Variants in HLF observed in about 807,000 individuals in gnomAD.
HLF encodes HLF transcription factor, PAR bZIP family member.
Under a neutral mutation model 22.6 loss-of-function variants are expected in HLF, and 3 were observed. That is an observed-to-expected ratio of 0.13 (90% confidence interval 0.06 to 0.34). The LOEUF is 0.34. Among genes scored for constraint, HLF ranks in the 10% least tolerant of loss-of-function variants. The pLI is 1.00. For synonymous variants in HLF, 151 were observed against 151.8 expected, an observed-to-expected ratio of 0.99 and a Z score of 0.04; for missense variants, 299 against 389.2, an observed-to-expected ratio of 0.77 and a Z score of 1.95.
chr17:55,274,530 T>C (rs534220064), intron 2 of HLF, among the ~76,000 whole-genome samples: 1 of 152,336 alleles, frequency 6.6e-6, no homozygotes, highest in South Asian at 2.1e-4. Context: ...ACAATGTCTG[T>C]CAGAATGTCC....
At chr17:55,296,837 ATT>A (rs938535449) in intron 2 of HLF, among the ~76,000 whole-genome samples, 9 of 145,286 alleles carry the variant, frequency 6.2e-5, no homozygotes, top group Admixed American at 1.4e-4. Flanking sequence ...ATTCAAAAAA[ATT>A]TTTTTTTTTT....
chr17:55,285,045 G>A (rs1324295893), intron 2 of HLF, among the ~76,000 whole-genome samples: 1 of 152,158 alleles, frequency 6.6e-6, no homozygotes, highest in East Asian at 1.9e-4. Context: ...AAGCTCCCCA[G>A]AGTCCAGGCC....
intron 1 of HLF, chr17:55,266,422 GC>G (rs2080790822): frequency 3.3e-5 from 5 of 152,424 alleles, no homozygotes; most frequent in Admixed American, 1.3e-4. Context: ...TTGGGTTGAT[GC>G]GATTTCATGC....
chr17:55,275,341 C>T lies in HLF; in HGVS notation c.451+7255C>T, dbSNP rs200884015. ...GAGCTCCTGAGCTCAAGCAATCCAC[C>T]GACCTTGGCCTCCCAAAGTGCTGGG... On this transcript the variant is annotated intron_variant, in intron 2 of 3. Coordinates refer to ENST00000226067, the MANE Select transcript of HLF (RefSeq NM_002126.5). Among the ~76,000 whole-genome samples, 10 of 152,316 alleles carry T rather than the reference C, an allele frequency of 6.6e-5. No homozygotes were observed. The East Asian group carries it at 1.4e-3, about 21-fold the overall frequency.
intron 2 of HLF, among the ~76,000 whole-genome samples, chr17:55,297,337 A>G (rs889982433): frequency 6.6e-6 from 1 of 152,140 alleles, no homozygotes; most frequent in Non-Finnish European, 1.5e-5. Context: ...CTCAGATTTC[A>G]TTAGCAGTAG....
At chr17:55,286,738 T>C (rs551102332) in intron 2 of HLF, among the ~76,000 whole-genome samples, 1 of 152,214 alleles carries the variant, frequency 6.6e-6, no homozygotes, top group Non-Finnish European at 1.5e-5. Flanking sequence ...CAAGCCTTAT[T>C]CAGAGTCTTA....
chr17:55,265,752 C>A, intron 1 of HLF, 153 bp downstream of exon 1: 1 of 1,192,812 alleles, frequency 8.4e-7, no homozygotes, highest in Non-Finnish European at 1.1e-6. Flanking sequence ...GGAGCTCACC[C>A]AGCACCCTTC....
intron 2 of HLF, among the ~76,000 whole-genome samples, chr17:55,287,178 T>C (rs2145324981): frequency 6.6e-6 from 1 of 152,336 alleles, no homozygotes; most frequent in East Asian, 1.9e-4. Context: ...AAAGGTGAAG[T>C]CACCCTGTAC....
rs1482459447 is a variant in HLF at position 55,320,995 on chromosome 17, A to C, written c.*116A>C. 4.0e-6 allele frequency: 3 copies of C among 748,562 alleles called. No individual in the cohort carries two copies. In the African/African-American group the frequency reaches 5.3e-5, roughly 13 times the overall value. 46.4% of individuals were successfully genotyped at this position (748,562 alleles called of 1,614,324 possible). A position where few individuals can be genotyped will look rare whatever the true frequency, so the allele number is the denominator to read the frequency against. ...GCACTTTACCAGAGGCATAAACACA[A>C]CTGACTCCCATTTTGGTGTGCATCT... On this transcript the variant is annotated 3_prime_UTR_variant, in exon 4 of 4. Transcript: ENST00000226067. This position sits in a 1 kb window ranked among gnomAD's most constrained non-coding sequence, Gnocchi z 4.2.
intron 2 of HLF, among the ~76,000 whole-genome samples, chr17:55,308,656 C>T (rs1021534416): frequency 1.3e-5 from 2 of 152,148 alleles, no homozygotes; most frequent in African/African-American, 2.4e-5. Flanking sequence ...CAGCGTAAAA[C>T]GACTGTCCTG....
intron 2 of HLF, among the ~76,000 whole-genome samples, chr17:55,304,884 A>G (rs1482441330): frequency 6.6e-6 from 1 of 152,202 alleles, no homozygotes; most frequent in Non-Finnish European, 1.5e-5. Context: ...ACACACAACT[A>G]CGTAGTGTCA....
intron 3 of HLF, among the ~76,000 whole-genome samples, chr17:55,316,384 C>A (rs1344936860): frequency 2.0e-5 from 3 of 152,200 alleles, no homozygotes; most frequent in Non-Finnish European, 4.4e-5. Flanking sequence ...TAGAGACACT[C>A]CTAGGCTGGG....
At chr17:55,306,372 T>C (rs1246194384) in intron 2 of HLF, among the ~76,000 whole-genome samples, 1 of 152,248 alleles carries the variant, frequency 6.6e-6, no homozygotes, top group Non-Finnish European at 1.5e-5. Context: ...AGCATCATGC[T>C]TTACCCATAT....
chr17:55,317,470 C>A (rs1905115017), intron 3 of HLF, among the ~76,000 whole-genome samples: 1 of 152,164 alleles, frequency 6.6e-6, no homozygotes, highest in Non-Finnish European at 1.5e-5. Flanking sequence ...AACAAAGAGG[C>A]CAGACAAAAA....
Position 55,265,341 on chromosome 17 carries a change from G to C in HLF, c.-144G>C. The C allele has an allele frequency of 1.7e-6, 1 of 605,310 alleles. No individual in the cohort carries two copies. 37.5% of individuals were successfully genotyped at this position (605,310 alleles called of 1,614,324 possible). A position where few individuals can be genotyped will look rare whatever the true frequency, so the allele number is the denominator to read the frequency against. On this transcript the variant is annotated 5_prime_UTR_variant, in exon 1 of 4. Coordinates refer to ENST00000226067, the MANE Select transcript of HLF (RefSeq NM_002126.5). ...TGCAGATGTATTTATAAAGATATAA[G>C]TAATTTTTTTCTTCCCTTTTCTCCA...
intron 2 of HLF, among the ~76,000 whole-genome samples, chr17:55,300,443 T>C (rs970508780): frequency 3.3e-5 from 5 of 152,228 alleles, no homozygotes; most frequent in African/African-American, 1.2e-4. Context: ...ACATTGCCCT[T>C]CTATAGCCTA....
chr17:55,316,389 G>A (rs1470278544), intron 3 of HLF, among the ~76,000 whole-genome samples: 1 of 152,172 alleles, frequency 6.6e-6, no homozygotes, highest in South Asian at 2.1e-4. Context: ...ACACTCCTAG[G>A]CTGGGAAATA....
At chr17:55,268,107 C>T in intron 2 of HLF, 21 bp downstream of exon 2, 2 of 1,485,754 alleles carry the variant, frequency 1.3e-6, no homozygotes, top group Non-Finnish European at 1.8e-6. Flanking sequence ...TGAAGATTCT[C>T]CCTTCAGAAA....
intron 2 of HLF, among the ~76,000 whole-genome samples, chr17:55,269,196 C>T (rs1441194921): frequency 6.6e-6 from 1 of 152,068 alleles, no homozygotes; most frequent in Non-Finnish European, 1.5e-5. Context: ...AAGAGAATAC[C>T]CCTGCCTCGA....
Sources: gnomAD v4.1 joint callset for allele counts (sites outside exome capture counted in the v4.1 genomes callset) on GRCh38, gnomAD v4.1.1 for gene constraint, Gnocchi (gnomAD v3.1) non-coding constraint, MANE v1.5 for transcripts, NCBI Gene and HGNC (gene_info 2026-07-23, HGNC 2026-07-21) for gene names.